SULT1E1: variants seen among roughly 807,000 people sequenced by gnomAD.
The protein encoded by SULT1E1 is sulfotransferase 1E1.
Under a neutral mutation model 33.6 loss-of-function variants are expected in SULT1E1, and 36 were observed. The observed-to-expected ratio is 1.07, with a 90% CI of 0.82 to 1.41. The LOEUF is 1.41. Among genes scored for constraint, SULT1E1 ranks in the 40% most tolerant of loss-of-function variants. The probability of loss-of-function intolerance (pLI) is 0.00; values close to 1 mark genes in which losing one functional copy is unlikely to be tolerated. For synonymous variants in SULT1E1, 121 were observed against 111.7 expected (o/e 1.08, Z -0.53); for missense variants, 371 against 345.7 (o/e 1.07, Z -0.58).
chr4:69,847,609 A>C, intron 6 of SULT1E1, 89 bp downstream of exon 6: 1 of 821,958 alleles, frequency 1.2e-6, no homozygotes, highest in African/African-American at 1.8e-5. Context: ...GTCATCATTT[A>C]TTTAAAGGAA....
chr4:69,839,663 GA>G (rs1464983943), downstream of SULT1E1, among the ~76,000 whole-genome samples: 3 of 152,140 alleles, frequency 2.0e-5, no homozygotes, highest in East Asian at 5.8e-4. Flanking sequence ...TGGAAGCACA[GA>G]ACCAAAGCTA....
chr4:69,856,565 C>T lies in SULT1E1; in HGVS notation c.145+935G>A, dbSNP rs11573755. The stretch of plus-strand genomic sequence containing the variant: ...TGAATCTAGAATAGCTCACGGGTTT[C>T]CTCTTCAGATGACTGGTATTGTGCT... On this transcript the variant is annotated intron_variant, in intron 2 of 7. Transcript: ENST00000226444. 1.6e-4 allele frequency among the ~76,000 whole-genome samples: 25 copies of T among 152,226 alleles called. 1 individual carries two copies. The highest frequency in any genetic ancestry group is 1.2e-3 in the Admixed American group (18 of 15,296).
Position 69,846,990 on chromosome 4 carries a change from TC to T in SULT1E1, c.591+707del, listed in dbSNP as rs1345558487. On this transcript the variant is annotated intron_variant, in intron 6 of 7. Transcript: ENST00000226444. ...ATATATGTGAGACATTATCACTGTATCTTATATACCAAAAACATTTTTATTT... is the reference window on the plus strand; with the variant it reads ...ATATATGTGAGACATTATCACTGTATTTATATACCAAAAACATTTTTATTT... Among the ~76,000 whole-genome samples, 23 of 151,834 alleles carry T rather than the reference TC, an allele frequency of 1.5e-4. 1 individual carries two copies. Among genetic ancestry groups the T allele is most frequent in the Admixed American group, 1.4e-3 (21 of 15,236 alleles).
At chr4:69,851,039 G>T (rs1721091397) in intron 4 of SULT1E1, among the ~76,000 whole-genome samples, 1 of 151,994 alleles carries the variant, frequency 6.6e-6, no homozygotes, top group Non-Finnish European at 1.5e-5. Flanking sequence ...TAAAAATTTT[G>T]CACTTTAAAG....
At chr4:69,844,623 G>A (rs552210061) in intron 6 of SULT1E1, among the ~76,000 whole-genome samples, 3 of 152,198 alleles carry the variant, frequency 2.0e-5, no homozygotes, top group Middle Eastern at 3.4e-3. Context: ...CTTAATAGAT[G>A]TTGTCTATGA....
chr4:69,840,083 TA>T, downstream of SULT1E1, among the ~76,000 whole-genome samples: 1 of 152,266 alleles, frequency 6.6e-6, no homozygotes, highest in Admixed American at 6.5e-5. Flanking sequence ...AATGGGCACA[TA>T]AAAAATGTAA....
chr4:69,822,131 T>G, the SULT1E1 span, among the ~76,000 whole-genome samples: 1 of 152,142 alleles, frequency 6.6e-6, no homozygotes, highest in Non-Finnish European at 1.5e-5. Flanking sequence ...TCAATTAGGT[T>G]TTATGTAATT....
chr4:69,849,620 C>G, intron 4 of SULT1E1, 57 bp from the exon 5 acceptor site: 2 of 1,467,298 alleles, frequency 1.4e-6, no homozygotes, highest in Non-Finnish European at 1.8e-6. Context: ...ACAGTCTCAT[C>G]AAGATTTTTT....
the SULT1E1 span, among the ~76,000 whole-genome samples, chr4:69,825,849 CCT>C: frequency 6.6e-6 from 1 of 152,172 alleles, no homozygotes; most frequent in Non-Finnish European, 1.5e-5. Flanking sequence ...CTTCCTCTTG[CCT>C]CTCTTCTCCG....
At chr4:69,844,503 G>C (rs1720937019) in intron 6 of SULT1E1, among the ~76,000 whole-genome samples, 162 bp from the exon 7 acceptor site, 1 of 152,080 alleles carries the variant, frequency 6.6e-6, no homozygotes, top group Non-Finnish European at 1.5e-5. Flanking sequence ...GCTGTTTTAA[G>C]TATAATTTTC....
At chr4:69,824,792 C>A in the SULT1E1 span, among the ~76,000 whole-genome samples, 217 of 152,234 alleles carry the variant, frequency 1.4e-3, 4 homozygotes, top group South Asian at 0.015. Flanking sequence ...AATCAGTGCT[C>A]GGTAAAATGA....
Position 69,847,632 on chromosome 4 carries a change from C to T in SULT1E1, c.591+66G>A. ...TTATTTAAAGGAATATTTTTGTATC[C>T]AGAGTATTTTCAAATGCTAACATCT... On this transcript the variant is annotated intron_variant, in intron 6 of 7. Transcript: ENST00000226444. 3 of 1,073,628 alleles carry T rather than the reference C, an allele frequency of 2.8e-6. No individual in the cohort carries two copies. In the South Asian group the frequency reaches 4.7e-5, roughly 17 times the overall value. The allele number at this position is 1,073,628 out of a possible 1,614,324, so 66.5% of individuals were successfully genotyped here.
At position 69,849,550 on chromosome 4, in the gene SULT1E1, C is replaced by G. The variant is rs1721057456; in HGVS notation, c.383G>C (p.Cys128Ser). Reference protein sequence around the residue: ...WEKDCKIIYLCRNAKDVAVSF... With the variant: ...WEKDCKIIYLSRNAKDVAVSF... Reference sequence around the variant, plus strand: ...AACAGCCACATCCTTTGCATTCCGGCAAAGATAGATTATCTAAGAGGATGA... The same window carrying G: ...AACAGCCACATCCTTTGCATTCCGGGAAAGATAGATTATCTAAGAGGATGA... Residue 128 changes from cysteine (C) to serine (S), a missense_variant, in exon 5 of 8, where the codon TGC (cysteine) becomes TCC (serine). Coordinates refer to ENST00000226444, the MANE Select transcript of SULT1E1 (RefSeq NM_005420.3). The G allele has an allele frequency of 6.2e-7, 1 of 1,604,706 alleles. No homozygotes were observed. The highest frequency in any genetic ancestry group is 1.3e-5 in the African/African-American group (1 of 74,204).
downstream of SULT1E1, among the ~76,000 whole-genome samples, chr4:69,838,137 T>C (rs1720821215): frequency 6.6e-6 from 1 of 152,120 alleles, no homozygotes; most frequent in African/African-American, 2.4e-5. Context: ...ATTTTATTGC[T>C]GATTTTAGCA....
chr4:69,846,941 C>T (rs1357978587), intron 6 of SULT1E1, among the ~76,000 whole-genome samples: 1 of 151,724 alleles, frequency 6.6e-6, no homozygotes, highest in African/African-American at 2.4e-5. Context: ...TCTCTTTACA[C>T]TCTTCTTCTG....
chr4:69,850,905 A>C (rs1721087179), intron 4 of SULT1E1, among the ~76,000 whole-genome samples: 1 of 152,062 alleles, frequency 6.6e-6, no homozygotes, highest in African/African-American at 2.4e-5. Flanking sequence ...TTTTTACTGT[A>C]CATGCTCATT....
At chr4:69,821,310 T>C in the SULT1E1 span, among the ~76,000 whole-genome samples, 3 of 152,212 alleles carry the variant, frequency 2.0e-5, no homozygotes, top group Non-Finnish European at 4.4e-5. Context: ...TCATATCTTA[T>C]GATTACAGTT....
At chr4:69,831,484 C>T in the SULT1E1 span, among the ~76,000 whole-genome samples, 1 of 152,204 alleles carries the variant, frequency 6.6e-6, no homozygotes, top group African/African-American at 2.4e-5. Context: ...TATTGTCTCC[C>T]TATCTATAAT....
At chr4:69,833,448 C>G in the SULT1E1 span, among the ~76,000 whole-genome samples, 1 of 152,158 alleles carries the variant, frequency 6.6e-6, no homozygotes, top group Admixed American at 6.5e-5. Context: ...AGAATTTCCA[C>G]GCATGACTGA....
Sources: gnomAD v4.1 joint callset for allele counts (sites outside exome capture counted in the v4.1 genomes callset) on GRCh38, gnomAD v4.1.1 for gene constraint, MANE v1.5 for transcripts, NCBI Gene and HGNC (gene_info 2026-07-23, HGNC 2026-07-21) for gene names.